SH3BGRL2: variants seen among roughly 807,000 people sequenced by gnomAD.
The protein encoded by SH3BGRL2 is SH3 domain binding glutamate rich protein like 2, also known as SH3 domain-binding glutamic acid-rich-like protein 2.
Under a neutral mutation model 14.8 loss-of-function variants are expected in SH3BGRL2, and 21 were observed. The observed-to-expected ratio is 1.42, with a 90% CI of 1.01 to 2.05. SH3BGRL2 has a LOEUF of 2.05. Ranked by LOEUF, SH3BGRL2 falls within the 30% of genes most tolerant of loss-of-function variation. The pLI is 0.00. For synonymous variants in SH3BGRL2, 50 were observed against 47.8 expected, an observed-to-expected ratio of 1.05 and a Z score of -0.19; for missense variants, 147 against 130.8, an observed-to-expected ratio of 1.12 and a Z score of -0.61.
At chr6:79,689,292 C>A (rs1011089745) in intron 2 of SH3BGRL2, among the ~76,000 whole-genome samples, 1 of 150,592 alleles carries the variant, frequency 6.6e-6, no homozygotes, top group Non-Finnish European at 1.5e-5. Flanking sequence ...ACCCTGCTGG[C>A]AATAGTGATA....
chr6:79,595,962 G>A, the SH3BGRL2 span, among the ~76,000 whole-genome samples: 2 of 152,160 alleles, frequency 1.3e-5, no homozygotes, highest in Admixed American at 1.3e-4. Flanking sequence ...CTAATAATAA[G>A]TGAGTTCAGC....
chr6:79,584,207 A>G, the SH3BGRL2 span, among the ~76,000 whole-genome samples: 3 of 152,184 alleles, frequency 2.0e-5, no homozygotes, highest in Non-Finnish European at 4.4e-5. Context: ...ATTAAGCACC[A>G]TATGACTTTT....
intron 1 of SH3BGRL2, among the ~76,000 whole-genome samples, chr6:79,658,725 T>C (rs892759322): frequency 2.0e-5 from 3 of 152,230 alleles, no homozygotes; most frequent in African/African-American, 7.2e-5. Context: ...CACACTGTCT[T>C]CTACAATAGT....
chr6:79,629,793 A>G (rs1394835809), upstream of SH3BGRL2, among the ~76,000 whole-genome samples: 1 of 152,094 alleles, frequency 6.6e-6, no homozygotes, highest in African/African-American at 2.4e-5. Flanking sequence ...TTCCTAGACA[A>G]TAGGTGCTCT....
chr6:79,561,358 C>T, the SH3BGRL2 span: 1 of 151,784 alleles, frequency 6.6e-6, no homozygotes, highest in Admixed American at 6.6e-5. Context: ...ATTTTGTGTA[C>T]GTGTTAGAGT....
chr6:79,576,815 C>T, the SH3BGRL2 span, among the ~76,000 whole-genome samples: 1 of 152,170 alleles, frequency 6.6e-6, no homozygotes, highest in Non-Finnish European at 1.5e-5. Flanking sequence ...AAACCTGGCT[C>T]CTCCTTTCAG....
intron 1 of SH3BGRL2, among the ~76,000 whole-genome samples, chr6:79,660,635 T>A (rs1191648199): frequency 6.6e-6 from 1 of 152,182 alleles, no homozygotes; most frequent in Non-Finnish European, 1.5e-5. Flanking sequence ...CTTTGGTAAC[T>A]GGATGATGCT....
chr6:79,703,485 T>A lies in SH3BGRL2; in HGVS notation c.*3976T>A, dbSNP rs1015093869. 2 of 152,134 alleles carry A rather than the reference T, an allele frequency of 1.3e-5. No individual in the cohort carries two copies. Among genetic ancestry groups the A allele is most frequent in the African/African-American group, 4.8e-5 (2 of 41,426 alleles). 9.4% of individuals were successfully genotyped at this position (152,134 alleles called of 1,614,324 possible). On this transcript the variant is annotated 3_prime_UTR_variant, in exon 4 of 4. Transcript: ENST00000369838. The stretch of plus-strand genomic sequence containing the variant: ...AACCCCTGTGTGCCTACCACCCACC[T>A]TATTGCCTTTCCTTTGAGGTACCGT...
At chr6:79,549,130 A>G in the SH3BGRL2 span, among the ~76,000 whole-genome samples, 1 of 152,216 alleles carries the variant, frequency 6.6e-6, no homozygotes, top group East Asian at 1.9e-4. Context: ...AATAAAAAGC[A>G]TTTGTAAAGA....
chr6:79,555,605 G>T, the SH3BGRL2 span, among the ~76,000 whole-genome samples: 4 of 152,112 alleles, frequency 2.6e-5, no homozygotes, highest in Non-Finnish European at 4.4e-5. Flanking sequence ...CCGCCTCCCG[G>T]GTTCAAGCGA....
chr6:79,699,047 T>C (rs990201321), intron 3 of SH3BGRL2, among the ~76,000 whole-genome samples: 4 of 151,228 alleles, frequency 2.6e-5, no homozygotes, highest in African/African-American at 9.7e-5. Flanking sequence ...GTCAGCTCTT[T>C]ATCCATTGGC....
chr6:79,618,312 G>T, the SH3BGRL2 span, among the ~76,000 whole-genome samples: 61 of 152,132 alleles, frequency 4.0e-4, no homozygotes, highest in Non-Finnish European at 7.5e-4. Flanking sequence ...ATAATCAGTT[G>T]CAGTCACTGA....
chr6:79,673,881 G>C, intron 2 of SH3BGRL2, 82 bp downstream of exon 2: 1 of 1,391,698 alleles, frequency 7.2e-7, no homozygotes, highest in South Asian at 1.4e-5. Flanking sequence ...GGTTTTTCCA[G>C]TGAAGACTGT....
the SH3BGRL2 span, among the ~76,000 whole-genome samples, chr6:79,604,165 T>G: frequency 6.6e-6 from 1 of 152,154 alleles, no homozygotes; most frequent in Non-Finnish European, 1.5e-5. Flanking sequence ...CCAATCTAAG[T>G]CTGTATTTCC....
chr6:79,699,221 T>A (rs1002783055), intron 3 of SH3BGRL2, among the ~76,000 whole-genome samples: 1 of 152,074 alleles, frequency 6.6e-6, no homozygotes, highest in Admixed American at 6.6e-5. Flanking sequence ...CATACACAAG[T>A]GGAACAGTAC....
the SH3BGRL2 span, among the ~76,000 whole-genome samples, chr6:79,551,816 A>G: frequency 6.6e-6 from 1 of 152,200 alleles, no homozygotes; most frequent in Non-Finnish European, 1.5e-5. Flanking sequence ...CAGGCCAAGC[A>G]TGGTGGTTCA....
In SH3BGRL2 at chr6:79,642,969, G is replaced by A. The variant is rs533378074; in HGVS notation, c.45+11463G>A. ...TGGTAAAAGCAGTAAGGGGCTTTGT[G>A]GAAAAATGTGGGAGACAGGAGAAGG... On this transcript the variant is annotated intron_variant, in intron 1 of 3. Transcript: ENST00000369838. 5.8e-4 allele frequency among the ~76,000 whole-genome samples: 89 copies of A among 152,280 alleles called. 1 individual carries two copies. The highest frequency in any genetic ancestry group is 2.0e-3 in the African/African-American group (84 of 41,552).
In SH3BGRL2 at chr6:79,702,818, A is replaced by C. The variant is rs202051190; in HGVS notation, c.*3309A>C. The C allele has an allele frequency of 6.6e-6, 1 of 152,352 alleles. No individual in the cohort carries two copies. The highest frequency in any genetic ancestry group is 1.9e-4 in the East Asian group (1 of 5,202). 9.4% of individuals were successfully genotyped at this position (152,352 alleles called of 1,614,324 possible). Reference sequence around the variant, plus strand: ...AATGGATGACTGATCTCCTGAGTACACTGAAGCCACAGGCTGGTGGCCATG... The same window carrying C: ...AATGGATGACTGATCTCCTGAGTACCCTGAAGCCACAGGCTGGTGGCCATG... On this transcript the variant is annotated 3_prime_UTR_variant, in exon 4 of 4. Coordinates refer to ENST00000369838, the MANE Select transcript of SH3BGRL2 (RefSeq NM_031469.4).
intron 2 of SH3BGRL2, among the ~76,000 whole-genome samples, chr6:79,693,698 G>T (rs1419470703): frequency 6.6e-6 from 1 of 152,154 alleles, no homozygotes; most frequent in African/African-American, 2.4e-5. Flanking sequence ...ATGCATCCCA[G>T]GGATGAAGCC....
Sources: allele counts gnomAD v4.1 joint callset (sites outside exome capture counted in the v4.1 genomes callset), GRCh38; gene constraint gnomAD v4.1.1; transcripts MANE v1.5; gene names NCBI Gene and HGNC (gene_info 2026-07-23, HGNC 2026-07-21).